The following PDE4D variants were observed in gnomAD, a reference collection of about 807,000 sequenced individuals.
PDE4D encodes phosphodiesterase 4D, also known as 3',5'-cyclic-AMP phosphodiesterase 4D.
Under a neutral mutation model 87.4 loss-of-function variants are expected in PDE4D, and 24 were observed. The observed-to-expected ratio is 0.27, with a 90% CI of 0.20 to 0.39. The LOEUF is 0.39. PDE4D is among the 10% of genes least tolerant of loss of function. The pLI is 1.00. For missense variants in PDE4D, 714 were observed against 1,041.0 expected (o/e 0.69, Z 4.32); for synonymous variants, 384 against 383.2 (o/e 1.00, Z -0.02).
At chr5:59,755,428 T>C (rs1339463892) in intron 1 of PDE4D, among the ~76,000 whole-genome samples, 1 of 152,154 alleles carries the variant, frequency 6.6e-6, no homozygotes, top group East Asian at 1.9e-4. Context: ...CTACTAGAAA[T>C]ATTAAATGTA....
intron 1 of PDE4D, among the ~76,000 whole-genome samples, chr5:60,273,077 C>A (rs1750982602): frequency 6.6e-6 from 1 of 151,918 alleles, no homozygotes; most frequent in East Asian, 1.9e-4. Flanking sequence ...ATGCTAAGGG[C>A]AGAGTGAAGA....
At chr5:59,176,700 T>TA (rs1459123555) in intron 5 of PDE4D, among the ~76,000 whole-genome samples, 1 of 152,230 alleles carries the variant, frequency 6.6e-6, no homozygotes, top group Admixed American at 6.5e-5. Flanking sequence ...CTGAAGTTCT[T>TA]AACTCTTCTT....
chr5:59,528,765 A>T (rs1813620100), intron 1 of PDE4D: 1 of 182,890 alleles, frequency 5.5e-6, no homozygotes, highest in African/African-American at 2.4e-5. Flanking sequence ...TAGCCAAGTT[A>T]AGGAATAGAA....
intron 3 of PDE4D, among the ~76,000 whole-genome samples, chr5:59,899,159 C>T (rs948663416): frequency 1.3e-5 from 2 of 152,028 alleles, no homozygotes; most frequent in African/African-American, 4.8e-5. Flanking sequence ...CTTTTTTCAT[C>T]ACATTTTAAC....
At chr5:60,380,697 T>C (rs1419944093) in intron 1 of PDE4D, among the ~76,000 whole-genome samples, 8 of 152,222 alleles carry the variant, frequency 5.3e-5, no homozygotes, top group Admixed American at 2.6e-4. Flanking sequence ...TATGGGAAGC[T>C]AGTGCACCTT....
intron 1 of PDE4D, among the ~76,000 whole-genome samples, chr5:59,389,859 T>C (rs1272043257): frequency 6.6e-6 from 1 of 151,498 alleles, no homozygotes; most frequent in Non-Finnish European, 1.5e-5. Flanking sequence ...AAGAGAGAGG[T>C]GGGATGAAAA....
At chr5:60,153,651 A>G (rs1295719770) in intron 2 of PDE4D, among the ~76,000 whole-genome samples, 12 of 152,214 alleles carry the variant, frequency 7.9e-5, no homozygotes, top group Admixed American at 2.0e-4. Flanking sequence ...TGGATAAAGA[A>G]AATGTAGTGG....
At chr5:59,124,039 G>C (rs983757557) in intron 5 of PDE4D, among the ~76,000 whole-genome samples, 5 of 152,200 alleles carry the variant, frequency 3.3e-5, no homozygotes, top group African/African-American at 1.2e-4. Context: ...CTTAGAAACT[G>C]TGGAAAAGGT....
intron 1 of PDE4D, among the ~76,000 whole-genome samples, chr5:59,580,922 G>A (rs1356708710): frequency 6.6e-6 from 1 of 151,938 alleles, no homozygotes; most frequent in East Asian, 1.9e-4. Context: ...GCCTGATTAT[G>A]TAGACTCTAG....
At chr5:59,758,521 TTC>T (rs1561606926) in intron 1 of PDE4D, among the ~76,000 whole-genome samples, 3 of 152,180 alleles carry the variant, frequency 2.0e-5, no homozygotes, top group African/African-American at 4.8e-5. Context: ...AAAATGATTT[TTC>T]TGTTTTGCTT....
intron 5 of PDE4D, among the ~76,000 whole-genome samples, chr5:59,172,321 T>TATATAAG (rs1423632795): frequency 9.1e-5 from 12 of 132,366 alleles, no homozygotes; most frequent in African/African-American, 3.1e-4. Flanking sequence ...TTTTATAAAA[T>TATATAAG]ATATAATATA....
At chr5:59,127,705 T>G (rs910339860) in intron 5 of PDE4D, among the ~76,000 whole-genome samples, 1 of 149,934 alleles carries the variant, frequency 6.7e-6, no homozygotes, top group South Asian at 2.1e-4. Flanking sequence ...TGGGGTGCCA[T>G]TCTCCCTGAT....
intron 1 of PDE4D, among the ~76,000 whole-genome samples, chr5:59,269,070 C>A (rs1179286078): frequency 6.6e-6 from 1 of 151,168 alleles, no homozygotes; most frequent in Non-Finnish European, 1.5e-5. Flanking sequence ...ATGATAAGGC[C>A]AAAACCATGG....
chr5:60,070,381 A>T (rs966144527), intron 2 of PDE4D, among the ~76,000 whole-genome samples: 1 of 152,074 alleles, frequency 6.6e-6, no homozygotes, highest in Non-Finnish European at 1.5e-5. Context: ...ATTTGACATA[A>T]TCTATTACTA....
chr5:60,285,085 C>T (rs907940187), intron 1 of PDE4D, among the ~76,000 whole-genome samples: 3 of 151,894 alleles, frequency 2.0e-5, no homozygotes, highest in South Asian at 2.1e-4. Context: ...GATTGGCTCA[C>T]CTACATCTAA....
chr5:59,485,586 TATATAA>T lies in PDE4D; in HGVS notation c.456-269624_456-269619del, dbSNP rs548209618. ...AGCAGTTACATATTTTTAGGTTTAT[TATATAA>T]ATATAAATATATATAAACATATACA... On this transcript the variant is annotated intron_variant, in intron 1 of 14. Coordinates refer to ENST00000340635, the MANE Select transcript of PDE4D (RefSeq NM_001104631.2). 6.1e-3 allele frequency among the ~76,000 whole-genome samples: 923 copies of T among 151,758 alleles called. 5 individuals carry two copies. Among genetic ancestry groups the T allele is most frequent in the Non-Finnish European group, 9.1e-3 (617 of 67,890 alleles).
intron 1 of PDE4D, among the ~76,000 whole-genome samples, chr5:60,388,145 T>C (rs954406599): frequency 6.6e-6 from 1 of 152,152 alleles, no homozygotes; most frequent in Admixed American, 6.5e-5. Flanking sequence ...AACCTTCACG[T>C]GTTCAGCTAT....
At chr5:59,538,334 A>T (rs984834468) in intron 1 of PDE4D, among the ~76,000 whole-genome samples, 1 of 152,142 alleles carries the variant, frequency 6.6e-6, no homozygotes, top group African/African-American at 2.4e-5. Context: ...AGTTTATTGG[A>T]CATCTCTACT....
intron 1 of PDE4D, among the ~76,000 whole-genome samples, chr5:59,604,800 A>G (rs1827968747): frequency 6.6e-6 from 1 of 152,080 alleles, no homozygotes; most frequent in African/African-American, 2.4e-5. Context: ...GTACACCCAT[A>G]CACAGTTGTT....
Sources: gnomAD v4.1 joint callset for allele counts (sites outside exome capture counted in the v4.1 genomes callset) on GRCh38, gnomAD v4.1.1 for gene constraint, MANE v1.5 for transcripts, NCBI Gene and HGNC (gene_info 2026-07-23, HGNC 2026-07-21) for gene names.